Variants in NOTCH1 observed in about 807,000 individuals in gnomAD.
The protein encoded by NOTCH1 is notch receptor 1, also known as neurogenic locus notch homolog protein 1.
Under a neutral mutation model 254.8 loss-of-function variants are expected in NOTCH1, and 37 were observed. That is an observed-to-expected ratio of 0.15 (90% CI 0.11 to 0.19). NOTCH1 has a LOEUF of 0.19. NOTCH1 is among the 10% of genes least tolerant of loss of function. The pLI is 1.00. For synonymous variants in NOTCH1, 1,731 were observed against 1,618.1 expected, an observed-to-expected ratio of 1.07 and a Z score of -1.68; for missense variants, 2,972 against 3,708.6, an observed-to-expected ratio of 0.80 and a Z score of 5.16.
At chr9:136,515,959 G>T in intron 10 of NOTCH1, 22 bp downstream of exon 10, 1 of 1,583,040 alleles carries the variant, frequency 6.3e-7, no homozygotes. Context: ...GTCCCTCCCC[G>T]CTGGTGGGCG....
chr9:136,505,208 C>A, intron 25 of NOTCH1, 102 bp downstream of exon 25: 1 of 1,518,812 alleles, frequency 6.6e-7, no homozygotes, highest in African/African-American at 1.4e-5. Flanking sequence ...GTCCCTGCAC[C>A]CCCTGAGCAG....
At chr9:136,530,920 C>T (rs1014053112) in intron 2 of NOTCH1, among the ~76,000 whole-genome samples, 2 of 152,342 alleles carry the variant, frequency 1.3e-5, no homozygotes, top group South Asian at 2.1e-4. Flanking sequence ...TCACAGGCTG[C>T]GCTCCGGGCC....
intron 25 of NOTCH1, 24 bp downstream of exon 25, chr9:136,505,286 G>A (rs1843062729): frequency 3.2e-6 from 5 of 1,553,348 alleles, no homozygotes; most frequent in Non-Finnish European, 4.4e-6. Flanking sequence ...TCCTCCCTCA[G>A]CCCCATGAGC....
At chr9:136,522,599 T>C in intron 4 of NOTCH1, 1 of 516,228 alleles carries the variant, frequency 1.9e-6, no homozygotes, top group East Asian at 3.2e-5. Context: ...ACAGCTCGAA[T>C]GTGAGTTCCG....
chr9:136,544,275 C>G (rs923560360), intron 1 of NOTCH1, among the ~76,000 whole-genome samples, 173 bp from the exon 2 acceptor site: 3 of 152,210 alleles, frequency 2.0e-5, no homozygotes, highest in Non-Finnish European at 4.4e-5. Flanking sequence ...CGCAGGAAGC[C>G]CCTCCATGAA....
chr9:136,505,154 C>G (rs768891469), intron 25 of NOTCH1, 50 bp from the exon 26 acceptor site: 2 of 1,573,664 alleles, frequency 1.3e-6, no homozygotes, highest in Non-Finnish European at 1.7e-6. Flanking sequence ...GGGCCTCGCA[C>G]CCGCCGTCCG....
Position 136,498,855 on chromosome 9 carries a change from A to G in NOTCH1, c.6180+44T>C, listed in dbSNP as rs9632944. 179,630 of 1,603,386 alleles carry G rather than the reference A, an allele frequency of 0.11. 11,641 individuals carry two copies. The highest frequency in any genetic ancestry group is 0.24 in the South Asian group (21,670 of 90,758). On this transcript the variant is annotated intron_variant, in intron 33 of 33. Coordinates refer to ENST00000651671, the MANE Select transcript of NOTCH1 (RefSeq NM_017617.5). ...GGGTTTGGCCCTCACTTCTCTGTGG[A>G]TTCAGCCCTCACGTCTCCCCTGGCA...
intron 26 of NOTCH1, among the ~76,000 whole-genome samples, chr9:136,504,141 G>A (rs1179668897): frequency 6.6e-6 from 1 of 152,206 alleles, no homozygotes; most frequent in Non-Finnish European, 1.5e-5. Flanking sequence ...TCTGGGGTGG[G>A]GCTGTTCAGC....
At position 136,503,091 on chromosome 9, in the gene NOTCH1, G is replaced by A. The variant is rs777392411; in HGVS notation, c.5167+91C>T. 11 of 1,570,988 alleles carry A rather than the reference G, an allele frequency of 7.0e-6. No homozygotes were observed. The African/African-American group carries it at 1.2e-4, about 17-fold the overall frequency. Reference sequence around the variant, plus strand: ...ACGGCAACGCTCACACCCGTGGGTAGCAACTGGCACAAACAGCCAGCGTGT... The same window carrying A: ...ACGGCAACGCTCACACCCGTGGGTAACAACTGGCACAAACAGCCAGCGTGT... On this transcript the variant is annotated intron_variant, in intron 27 of 33. Coordinates refer to ENST00000651671, the MANE Select transcript of NOTCH1 (RefSeq NM_017617.5).
chr9:136,505,150 C>T (rs373795647), intron 25 of NOTCH1, 46 bp from the exon 26 acceptor site: 14 of 1,567,472 alleles, frequency 8.9e-6, no homozygotes, highest in East Asian at 2.3e-5. Flanking sequence ...CGGGGGGCCT[C>T]GCACCCGCCG....
chr9:136,534,216 C>A (rs1248249797), intron 2 of NOTCH1, among the ~76,000 whole-genome samples: 1 of 152,218 alleles, frequency 6.6e-6, no homozygotes, highest in African/African-American at 2.4e-5. Context: ...GGCCTTGGCT[C>A]AGGCTGGGGC....
At position 136,519,497 on chromosome 9, in the gene NOTCH1, C is replaced by A. The variant is rs748965969; in HGVS notation, c.811G>T (p.Ala271Ser). Reference sequence around the variant, plus strand: ...TAGGTGTTCACGCCGTCCACACAGGCACCCCCGTTCTTGCAGTTGTTTCCT... The same window carrying A: ...TAGGTGTTCACGCCGTCCACACAGGAACCCCCGTTCTTGCAGTTGTTTCCT... ...CPGNNCKNGG[A>S]CVDGVNTYNC... The change falls in exon 5 of 34, where the codon GCC becomes TCC. Residue 271 changes from alanine to serine, a missense_variant. This residue lies in a region of NOTCH1 where 374 missense variants were observed against 496.3 expected (regional missense o/e 0.75). Coordinates refer to ENST00000651671, the MANE Select transcript of NOTCH1 (RefSeq NM_017617.5). 1 of 1,613,030 alleles carries A rather than the reference C, an allele frequency of 6.2e-7. No homozygotes were observed. The highest frequency in any genetic ancestry group is 1.1e-5 in the South Asian group (1 of 91,090).
chr9:136,518,547 C>T lies in NOTCH1; in HGVS notation c.1099+44G>A, dbSNP rs777349728. 7.1e-6 allele frequency: 11 copies of T among 1,551,916 alleles called. No homozygotes were observed. The South Asian group carries it at 1.1e-4, about 16-fold the overall frequency. ...GTGAGGTCACACAGCTCAGGCCTGG[C>T]CCATGTGAGCCCCCTGCGCCCACCT... On this transcript the variant is annotated intron_variant, in intron 6 of 33. Coordinates refer to ENST00000651671, the MANE Select transcript of NOTCH1 (RefSeq NM_017617.5).
chr9:136,501,761 A>G lies in NOTCH1; in HGVS notation c.5625T>C (p.Asn1875=). The G allele has an allele frequency of 6.8e-6, 11 of 1,612,086 alleles. No individual in the cohort carries two copies. Among genetic ancestry groups the G allele is most frequent in the South Asian group, 2.2e-5 (2 of 91,056 alleles). ...GEVDADCMDV[N]VRGPDGFTPL... ...TGGCACCCTTACCAGGCCCGCGGAC[A>G]TTGACGTCCATGCAGTCGGCGTCAA... Residue 1875 remains asparagine, a synonymous_variant, in exon 30 of 34, where the codon AAT becomes AAC. Transcript: ENST00000651671.
chr9:136,505,045 C>T lies in NOTCH1; in HGVS notation c.4646G>A (p.Cys1549Tyr), dbSNP rs2133337593. The T allele has an allele frequency of 6.2e-7, 1 of 1,610,778 alleles. No individual in the cohort carries two copies. The stretch of plus-strand genomic sequence containing the variant: ...GTCCCACTCGCACTCCGCGCTGTTG[C>T]AGCCCTGGTCGCAGTGCCCGTCGCT... ...HFSDGHCDQG[C>Y]NSAECEWDGL... The change falls in exon 26 of 34, where the codon TGC (cysteine) becomes TAC (tyrosine). Residue 1549 changes from cysteine (C) to tyrosine (Y), a missense_variant. By Grantham distance (194) the Cys-to-Tyr change is radical. Around this residue, in one of 8 missense-constraint regions of NOTCH1, gnomAD observed 1,343 missense variants for 1,557.0 expected, o/e 0.86. Transcript: ENST00000651671.
chr9:136,503,113 G>A (rs560924598), intron 27 of NOTCH1, 69 bp downstream of exon 27: 32 of 1,603,138 alleles, frequency 2.0e-5, no homozygotes, highest in South Asian at 1.9e-4. Flanking sequence ...AACAGCCAGC[G>A]TGTCTGGGGC....
chr9:136,516,470 C>CT (rs745948415), intron 9 of NOTCH1, among the ~76,000 whole-genome samples: 1 of 152,218 alleles, frequency 6.6e-6, no homozygotes, highest in Non-Finnish European at 1.5e-5. Context: ...GCCCCCAGCT[C>CT]TGGGACAGAT....
chr9:136,514,474 G>A (rs2133360190), intron 13 of NOTCH1, 36 bp downstream of exon 13: 3 of 1,543,792 alleles, frequency 1.9e-6, no homozygotes, highest in South Asian at 1.2e-5. Context: ...CAGGGTTTAG[G>A]ACTGATGTGT....
chr9:136,497,283 G>A lies in NOTCH1; in HGVS notation c.6456C>T (p.Gly2152=), dbSNP rs368287903. Residue 2152 remains glycine (G), a synonymous_variant, in exon 34 of 34, where the codon GGC becomes GGT. Transcript: ENST00000651671. ...GCTTGCGGACCTTCTTGCCCTGCAC[G>A]CCGGGCTTGAGGCTGCCCAGGTAGC... ...PNGYLGSLKP[G]VQGKKVRKPS... 9.3e-6 allele frequency: 15 copies of A among 1,609,276 alleles called. No individual in the cohort carries two copies. In the South Asian group the frequency reaches 1.1e-4, roughly 12 times the overall value.
Sources: gnomAD v4.1 joint callset for allele counts (sites outside exome capture counted in the v4.1 genomes callset) on GRCh38, gnomAD v4.1.1 for gene constraint, gnomAD v4.1.1 regional missense constraint, MANE v1.5 for transcripts, NCBI Gene and HGNC (gene_info 2026-07-23, HGNC 2026-07-21) for gene names.